SARDH: variants seen among roughly 807,000 people sequenced by gnomAD.
SARDH encodes sarcosine dehydrogenase.
In SARDH, 95 loss-of-function variants were observed where a neutral mutation model predicts 109.1. The ratio of observed to expected loss-of-function variants is 0.87; its 90% CI spans 0.74 to 1.03. The LOEUF (loss-of-function observed/expected upper bound fraction) is 1.03, where lower values mean the gene tolerates loss of function less well. Among genes scored for constraint, SARDH ranks in the 50% least tolerant of loss-of-function variants. SARDH has a pLI of 0.00. For synonymous variants in SARDH, 572 were observed against 534.8 expected, an observed-to-expected ratio of 1.07 and a Z score of -0.96; for missense variants, 1,267 against 1,287.8, an observed-to-expected ratio of 0.98 and a Z score of 0.25.
rs1831956761 is a variant in SARDH at position 133,712,449 on chromosome 9, C to T, written c.1328+170G>A. ...GGCGTGGACCTGCCCCCCAGCCACC[C>T]CCTCAGCACTGCCCACCTTCTGCTG... On this transcript the variant is annotated intron_variant, in intron 10 of 20. Coordinates refer to ENST00000439388, the MANE Select transcript of SARDH (RefSeq NM_001134707.2). The surrounding 1 kb of genome is among the most constrained non-coding windows in gnomAD (Gnocchi z 4.1). Among the ~76,000 whole-genome samples the T allele has an allele frequency of 6.6e-6, 1 of 152,010 alleles. No homozygotes were observed. The highest frequency in any genetic ancestry group is 1.5e-5 in the Non-Finnish European group (1 of 68,000).
At chr9:133,711,761 G>A (rs761503518) in intron 10 of SARDH, among the ~76,000 whole-genome samples, 3 of 152,158 alleles carry the variant, frequency 2.0e-5, no homozygotes, top group East Asian at 1.9e-4. Context: ...AGCAGCAGCC[G>A]GGAGCAGAGT....
At chr9:133,694,787 G>A (rs1293332266) in intron 14 of SARDH, among the ~76,000 whole-genome samples, 1 of 152,222 alleles carries the variant, frequency 6.6e-6, no homozygotes, top group Non-Finnish European at 1.5e-5. Flanking sequence ...AAATTACTTT[G>A]TGGATGGAGG....
At chr9:133,733,699 C>T (rs1255267633) in intron 2 of SARDH, 144 bp downstream of exon 2, 11 of 739,260 alleles carry the variant, frequency 1.5e-5, no homozygotes, top group African/African-American at 1.8e-5. Context: ...GCTCCGCCCA[C>T]CTGCAAACTG....
chr9:133,678,811 T>A (rs1830602019), intron 17 of SARDH, among the ~76,000 whole-genome samples: 1 of 152,254 alleles, frequency 6.6e-6, no homozygotes, highest in South Asian at 2.1e-4. Flanking sequence ...CCATGTCACA[T>A]AAAGCTCTGA....
chr9:133,730,152 C>T lies in SARDH; in HGVS notation c.726G>A (p.Val242=), dbSNP rs868110434. ...IENCPVTGIR[V]WTDDFGVRRV... is the part of the protein sequence containing the mutation. ...GCCGCACCCCAAAATCATCCGTCCA[C>T]ACACGAATGCCGGTCACTGGGCAGT... The change falls in exon 5 of 21, where the codon GTG becomes GTA. Residue 242 remains valine (V), a synonymous_variant. Transcript: ENST00000439388. 16 of 1,614,132 alleles carry T rather than the reference C, an allele frequency of 9.9e-6. No homozygotes were observed. The Middle Eastern group carries it at 1.3e-3, about 133-fold the overall frequency.
downstream of SARDH, among the ~76,000 whole-genome samples, chr9:133,661,966 C>A (rs1246891102): frequency 6.6e-6 from 1 of 152,148 alleles, no homozygotes; most frequent in Admixed American, 6.5e-5. Context: ...GTGATGTGGT[C>A]CCCGGGCGGT....
intron 14 of SARDH, 101 bp from the exon 15 acceptor site, chr9:133,694,472 C>A (rs1244302966): frequency 5.1e-6 from 5 of 975,220 alleles, no homozygotes; most frequent in Non-Finnish European, 7.9e-6. Context: ...CTCCTTGTCA[C>A]GGAGGCTGGA....
intron 16 of SARDH, among the ~76,000 whole-genome samples, chr9:133,688,563 G>A (rs138227401): frequency 2.6e-5 from 4 of 152,166 alleles, no homozygotes; most frequent in African/African-American, 9.6e-5. Flanking sequence ...GCCCAAGCCC[G>A]ACCATGTTCC....
At chr9:133,738,775 G>A (rs1383645876), upstream of SARDH, among the ~76,000 whole-genome samples, 1 of 152,198 alleles carries the variant, frequency 6.6e-6, no homozygotes, top group Non-Finnish European at 1.5e-5. Flanking sequence ...CTCAGCACAT[G>A]CCCCAGTTTG....
intron 13 of SARDH, among the ~76,000 whole-genome samples, chr9:133,700,396 T>C (rs1047563844): frequency 6.6e-6 from 1 of 151,052 alleles, no homozygotes; most frequent in African/African-American, 2.4e-5. Context: ...ACACACACAC[T>C]ACGACATGAA....
chr9:133,735,121 G>A lies in SARDH; in HGVS notation c.-30-918C>T, dbSNP rs575667607. Among the ~76,000 whole-genome samples the A allele has an allele frequency of 2.6e-5, 4 of 152,284 alleles. No homozygotes were observed. The East Asian group carries it at 7.8e-4, about 30-fold the overall frequency. On this transcript the variant is annotated intron_variant, in intron 1 of 20. Coordinates refer to ENST00000439388, the MANE Select transcript of SARDH (RefSeq NM_001134707.2). ...GGTATCGGCAGGCAGCCTCGAGACG[G>A]GGCACCCAACCCCCAAGCCTGGAGC...
In SARDH at chr9:133,663,916, G is replaced by C. The variant is rs1829965903; in HGVS notation, c.2730C>G (p.Asn910Lys). 4 of 1,614,068 alleles carry C rather than the reference G, an allele frequency of 2.5e-6. No homozygotes were observed. Among genetic ancestry groups the C allele is most frequent in the Non-Finnish European group, 3.4e-6 (4 of 1,180,040 alleles). ...QAHLKSPFDPNNKRVKGIY is the reference protein window; with the variant it reads ...QAHLKSPFDPKNKRVKGIY The stretch of plus-strand genomic sequence containing the variant: ...AGTAGATTCCCTTCACCCTCTTGTT[G>C]TTGGGGTCGAAGGGCGACTTCAGGT... The change falls in exon 21 of 21, where the codon AAC (asparagine) becomes AAG (lysine). Residue 910 changes from asparagine to lysine, a missense_variant. Physicochemically the swap from Asn to Lys is moderately conservative, Grantham distance 94 (BLOSUM62 0). Transcript: ENST00000439388.
At chr9:133,703,063 C>T in intron 12 of SARDH, 34 bp from the exon 13 acceptor site, 2 of 1,570,380 alleles carry the variant, frequency 1.3e-6, no homozygotes, top group Non-Finnish European at 1.7e-6. Flanking sequence ...CAGCCTGCCT[C>T]TTTGGCCCCT....
chr9:133,726,295 G>C (rs1375592436), intron 6 of SARDH, among the ~76,000 whole-genome samples: 4 of 150,918 alleles, frequency 2.7e-5, no homozygotes, highest in Non-Finnish European at 5.9e-5. Flanking sequence ...TTGAGCCCAG[G>C]AGGTCAAGGC....
intron 6 of SARDH, 133 bp from the exon 7 acceptor site, chr9:133,719,175 G>A (rs1407222085): frequency 1.4e-5 from 10 of 694,854 alleles, no homozygotes; most frequent in East Asian, 1.3e-4. Flanking sequence ...GTAGGACCCC[G>A]AGGACAGAGT....
chr9:133,680,630 G>A lies in SARDH; in HGVS notation c.2163+4563C>T, dbSNP rs181620704. 2.2e-3 allele frequency among the ~76,000 whole-genome samples: 341 copies of A among 152,338 alleles called. 4 individuals carry two copies. Among genetic ancestry groups the A allele is most frequent in the South Asian group, 0.013 (61 of 4,830 alleles). On this transcript the variant is annotated intron_variant, in intron 17 of 20. Coordinates refer to ENST00000439388, the MANE Select transcript of SARDH (RefSeq NM_001134707.2). ...GTCACTGAGGACAGGATTCCTGGCC[G>A]CTCCGTCCTCCACACGCTCCTCGAG...
intron 17 of SARDH, among the ~76,000 whole-genome samples, chr9:133,680,394 C>T (rs1268671329): frequency 5.3e-5 from 8 of 152,308 alleles, no homozygotes; most frequent in Admixed American, 2.6e-4. Context: ...GGGAGCTGGC[C>T]GTGGCCAGTG....
At chr9:133,698,891 A>G (rs571826583) in intron 13 of SARDH, among the ~76,000 whole-genome samples, 1 of 152,366 alleles carries the variant, frequency 6.6e-6, no homozygotes, top group South Asian at 2.1e-4. Context: ...ACAAGCAACA[A>G]AACAAAAACA....
At chr9:133,727,436 T>G (rs2131494340) in intron 6 of SARDH, among the ~76,000 whole-genome samples, 1 of 152,348 alleles carries the variant, frequency 6.6e-6, no homozygotes, top group East Asian at 1.9e-4. Context: ...CAGACAGAAA[T>G]GGGCTGCACA....
Sources: gnomAD v4.1 joint callset for allele counts (sites outside exome capture counted in the v4.1 genomes callset) on GRCh38, gnomAD v4.1.1 for gene constraint, Gnocchi (gnomAD v3.1) non-coding constraint, MANE v1.5 for transcripts, NCBI Gene and HGNC (gene_info 2026-07-23, HGNC 2026-07-21) for gene names.